The following GRM8 variants were observed in gnomAD, a reference collection of about 807,000 sequenced individuals.
The protein encoded by GRM8 is metabotropic glutamate receptor 8.
In GRM8, 47 loss-of-function variants were observed where a neutral mutation model predicts 87.2. That is an observed-to-expected ratio of 0.54 (90% CI 0.43 to 0.69). The LOEUF is 0.69. Among genes scored for constraint, GRM8 ranks in the 30% least tolerant of loss-of-function variants. The pLI, the probability that GRM8 is intolerant of heterozygous loss-of-function variation, is 0.00. For synonymous variants in GRM8, 396 were observed against 404.5 expected, an observed-to-expected ratio of 0.98 and a Z score of 0.25; for missense variants, 1,019 against 1,139.2, an observed-to-expected ratio of 0.89 and a Z score of 1.52.
chr7:126,922,305 T>C (rs1804612141), intron 3 of GRM8, among the ~76,000 whole-genome samples: 1 of 152,044 alleles, frequency 6.6e-6, no homozygotes, highest in Non-Finnish European at 1.5e-5. Context: ...ACAATCCTAC[T>C]GGAAAGATTG....
intron 7 of GRM8, among the ~76,000 whole-genome samples, chr7:126,675,355 A>G (rs1806851273): frequency 1.3e-5 from 2 of 152,222 alleles, no homozygotes; most frequent in South Asian, 4.1e-4. Context: ...CTATTTCAAA[A>G]GATTGAGAAG....
At chr7:126,651,816 T>C (rs1407122510) in intron 7 of GRM8, among the ~76,000 whole-genome samples, 1 of 151,856 alleles carries the variant, frequency 6.6e-6, no homozygotes, top group Non-Finnish European at 1.5e-5. Context: ...GTAGATCAAT[T>C]GCGGCGTCTC....
rs533643569 is a variant in GRM8 at position 126,978,063 on chromosome 7, C to A, written c.728-73380G>T. ...AGATGTGGCATAGTAGCAATACAGG[C>A]AACTAAGACTTAGAGATTTTAGTCT... On this transcript the variant is annotated intron_variant, in intron 3 of 10. Transcript: ENST00000339582. 4.7e-4 allele frequency among the ~76,000 whole-genome samples: 72 copies of A among 152,092 alleles called. 1 individual carries two copies. In the South Asian group the frequency reaches 0.014, roughly 30 times the overall value.
At chr7:127,086,488 A>G (rs977413818) in intron 3 of GRM8, among the ~76,000 whole-genome samples, 1 of 152,146 alleles carries the variant, frequency 6.6e-6, no homozygotes, top group Non-Finnish European at 1.5e-5. Context: ...TAACTCAGTG[A>G]AGCACACATT....
chr7:126,527,272 C>T (rs893437872), intron 9 of GRM8, among the ~76,000 whole-genome samples: 8 of 152,106 alleles, frequency 5.3e-5, no homozygotes, highest in Admixed American at 6.6e-5. Context: ...GCAAGAGAAT[C>T]GCTTGAACCT....
At position 126,838,766 on chromosome 7, in the gene GRM8, G is replaced by C. The variant is rs141814236; in HGVS notation, c.1156+63776C>G. 8.9e-3 allele frequency among the ~76,000 whole-genome samples: 1,351 copies of C among 152,218 alleles called. 15 individuals carry two copies. Among genetic ancestry groups the C allele is most frequent in the Non-Finnish European group, 0.014 (948 of 68,016 alleles). On this transcript the variant is annotated intron_variant, in intron 6 of 10. Transcript: ENST00000339582. The stretch of plus-strand genomic sequence containing the variant: ...TGAATTTGCCATTTAAAACATCTAA[G>C]TCAGGCTGTGAAAGAAAATGTTAAC...
intron 9 of GRM8, among the ~76,000 whole-genome samples, chr7:126,464,645 T>C (rs141756770): frequency 6.6e-6 from 1 of 151,856 alleles, no homozygotes; most frequent in African/African-American, 2.4e-5. Context: ...TGTATGCTTT[T>C]TGATTTGAGG....
At chr7:126,529,763 G>A (rs1409456327) in intron 9 of GRM8, among the ~76,000 whole-genome samples, 3 of 152,034 alleles carry the variant, frequency 2.0e-5, no homozygotes, top group Non-Finnish European at 4.4e-5. Context: ...CATCCTTACA[G>A]CCCCTTACCA....
At chr7:127,073,747 G>C (rs150097803) in intron 3 of GRM8, among the ~76,000 whole-genome samples, 1,563 of 152,218 alleles carry the variant, frequency 0.01, 29 homozygotes, top group African/African-American at 0.035. Context: ...ACCAGATGGA[G>C]GGCTCGAAGA....
At chr7:127,244,835 C>T (rs1798500847) in intron 1 of GRM8, among the ~76,000 whole-genome samples, 1 of 152,190 alleles carries the variant, frequency 6.6e-6, no homozygotes, top group Admixed American at 6.5e-5. Flanking sequence ...AAAGAGGGCT[C>T]ATAGCAGCCC....
At chr7:126,915,146 G>T (rs1171197900) in intron 3 of GRM8, among the ~76,000 whole-genome samples, 1 of 152,120 alleles carries the variant, frequency 6.6e-6, no homozygotes. Context: ...GAGGAGTGGG[G>T]TGAATATGAA....
chr7:126,626,276 A>G (rs1294649953), intron 7 of GRM8, among the ~76,000 whole-genome samples: 1 of 152,138 alleles, frequency 6.6e-6, no homozygotes, highest in Non-Finnish European at 1.5e-5. Flanking sequence ...TGATGCTCTC[A>G]TGGCTTGTAT....
chr7:127,236,052 A>G (rs1467281315), intron 2 of GRM8, among the ~76,000 whole-genome samples: 1 of 152,166 alleles, frequency 6.6e-6, no homozygotes, highest in Non-Finnish European at 1.5e-5. Flanking sequence ...GACAATTTAT[A>G]TGTATTTATG....
At chr7:126,703,229 G>C (rs1402873422) in intron 7 of GRM8, among the ~76,000 whole-genome samples, 1 of 152,222 alleles carries the variant, frequency 6.6e-6, no homozygotes, top group Non-Finnish European at 1.5e-5. Context: ...TAGCAGGGGT[G>C]AGGAAAAGGA....
chr7:126,832,074 G>T lies in GRM8; in HGVS notation c.1157-62009C>A, dbSNP rs117629230. Among the ~76,000 whole-genome samples, 1,508 of 151,576 alleles carry T rather than the reference G, an allele frequency of 9.9e-3. 17 individuals are homozygous for T. The highest frequency in any genetic ancestry group is 0.021 in the Middle Eastern group (6 of 292). On this transcript the variant is annotated intron_variant, in intron 6 of 10. Coordinates refer to ENST00000339582, the MANE Select transcript of GRM8 (RefSeq NM_000845.3). ...CAAGTATTTATTGTGTACCTACTAT[G>T]TGCCAAAAGCTCAGTGTGCCTCAAG...
intron 3 of GRM8, among the ~76,000 whole-genome samples, chr7:127,083,408 A>G (rs1273490247): frequency 6.6e-6 from 1 of 152,062 alleles, no homozygotes; most frequent in Admixed American, 6.5e-5. Flanking sequence ...GGACCTTGTT[A>G]TTCATTGCTT....
intron 7 of GRM8, among the ~76,000 whole-genome samples, chr7:126,697,875 T>C (rs751160603): frequency 2.0e-5 from 3 of 152,180 alleles, no homozygotes; most frequent in Non-Finnish European, 4.4e-5. Context: ...AAGGCTGCAA[T>C]GGCTGGAACC....
intron 7 of GRM8, among the ~76,000 whole-genome samples, chr7:126,709,238 C>T (rs1224774637): frequency 2.6e-5 from 4 of 151,984 alleles, no homozygotes; most frequent in Admixed American, 2.6e-4. Flanking sequence ...GAAATATCAC[C>T]TCACACCTAT....
intron 3 of GRM8, among the ~76,000 whole-genome samples, chr7:127,025,502 G>C (rs1015582388): frequency 1.3e-5 from 2 of 152,072 alleles, no homozygotes; most frequent in Non-Finnish European, 2.9e-5. Context: ...TTAGAGACTG[G>C]GAGCTGCCTC....
Sources: gnomAD v4.1 joint callset for allele counts (sites outside exome capture counted in the v4.1 genomes callset) on GRCh38, gnomAD v4.1.1 for gene constraint, MANE v1.5 for transcripts, NCBI Gene and HGNC (gene_info 2026-07-23, HGNC 2026-07-21) for gene names.